The following INTS1 variants were observed in gnomAD, a reference collection of about 807,000 sequenced individuals.
The protein encoded by INTS1 is integrator complex subunit 1.
In INTS1, 137 loss-of-function variants were observed where a neutral mutation model predicts 241.6. The observed-to-expected ratio is 0.57, with a 90% CI of 0.49 to 0.65. The LOEUF is 0.65. Ranked by LOEUF, INTS1 falls within the 30% of genes least tolerant of loss-of-function variation. INTS1 has a pLI of 0.00. For missense variants in INTS1, 3,073 were observed against 3,032.2 expected (o/e 1.01, Z -0.32); for synonymous variants, 1,692 against 1,337.8 (o/e 1.26, Z -5.78).
chr7:1,475,933 G>T lies in INTS1; in HGVS notation c.5502+15C>A. The stretch of plus-strand genomic sequence containing the variant: ...CCTGGGACGGCGGCGGGGAGCGGCA[G>T]AGTTGCGCCCTCACCTTGCAGACGC... On this transcript the variant is annotated intron_variant, in intron 39 of 47. Coordinates refer to ENST00000404767, the MANE Select transcript of INTS1 (RefSeq NM_001080453.3). 2.6e-6 allele frequency: 4 copies of T among 1,531,574 alleles called. No individual in the cohort carries two copies. Among genetic ancestry groups the T allele is most frequent in the Non-Finnish European group, 2.6e-6 (3 of 1,140,252 alleles). 94.9% of individuals were successfully genotyped at this position (1,531,574 alleles called of 1,614,324 possible). A position where few individuals can be genotyped will look rare whatever the true frequency, so the allele number is the denominator to read the frequency against.
chr7:1,498,393 C>T lies in INTS1; in HGVS notation c.1425+19G>A. 2 of 1,612,530 alleles carry T rather than the reference C, an allele frequency of 1.2e-6. No homozygotes were observed. Among genetic ancestry groups the T allele is most frequent in the Non-Finnish European group, 1.7e-6 (2 of 1,179,568 alleles). On this transcript the variant is annotated intron_variant, in intron 10 of 47. Coordinates refer to ENST00000404767, the MANE Select transcript of INTS1 (RefSeq NM_001080453.3). ...CCATATTCCGGCGTGGAGGGCAAGG[C>T]CAGGGACCCTGGGCCTACCTTGGGC...
rs548800119 is a variant in INTS1, at chr7:1,484,187, G to A, written c.3262-17C>T. 1 of 1,597,522 alleles carries A rather than the reference G, an allele frequency of 6.3e-7. No individual in the cohort carries two copies. The highest frequency in any genetic ancestry group is 8.5e-7 in the Non-Finnish European group (1 of 1,170,580). ...GGCCACGTCCTGGTGTGTGGACAGG[G>A]GGGCGTCAGAGGCTCCGAGACAGCT... is the stretch of plus-strand genomic sequence containing the variant. On this transcript the variant is annotated splice_polypyrimidine_tract_variant and intron_variant, in intron 24 of 47. Transcript: ENST00000404767.
chr7:1,492,745 G>A (rs1039690729), intron 16 of INTS1, among the ~76,000 whole-genome samples: 2 of 152,242 alleles, frequency 1.3e-5, no homozygotes, highest in Non-Finnish European at 2.9e-5. Flanking sequence ...GTTGGACTCG[G>A]GCCGAGCCAG....
At chr7:1,488,065 T>C in intron 18 of INTS1, 108 bp from the exon 19 acceptor site, 1 of 1,155,042 alleles carries the variant, frequency 8.7e-7, no homozygotes, top group Non-Finnish European at 1.3e-6. Flanking sequence ...TGCTGCTGCC[T>C]CTGCTGCACA....
Position 1,477,854 on chromosome 7 carries a change from G to A in INTS1, c.4713C>T (p.Ala1571=), listed in dbSNP as rs745841396. Residue 1571 remains alanine, a synonymous_variant, in exon 34 of 48, where the codon GCC becomes GCT. Coordinates refer to ENST00000404767, the MANE Select transcript of INTS1 (RefSeq NM_001080453.3). Reference sequence around the variant, plus strand: ...CGGGCTTACAGGCTGGAAACGGGGAGGCAGCATCCGCAGTGGCAGAGAAGA... The same window carrying A: ...CGGGCTTACAGGCTGGAAACGGGGAAGCAGCATCCGCAGTGGCAGAGAAGA... The part of the protein sequence containing the change: ...TAFFSATADA[A]SPFPACKPVV... The A allele has an allele frequency of 7.4e-6, 12 of 1,612,512 alleles. No individual in the cohort carries two copies. The Admixed American group carries it at 8.3e-5, about 11-fold the overall frequency.
At position 1,493,930 on chromosome 7, in the gene INTS1, A is replaced by G. The variant is rs2251232; in HGVS notation, c.1911-19T>C. On this transcript the variant is annotated intron_variant, in intron 14 of 47. Transcript: ENST00000404767. The surrounding 1 kb of genome is among the most constrained non-coding windows in gnomAD (Gnocchi z 5.3). ...GAAGAAGCTGCGGGGTGGGGGAGGC[A>G]TGACTCGGTGTGGGCTGCCCACACC... 0.45 allele frequency: 692,110 copies of G among 1,546,084 alleles called. 162,581 individuals are homozygous for G. Among genetic ancestry groups the G allele is most frequent in the African/African-American group, 0.77 (56,221 of 73,066 alleles).
chr7:1,476,121 G>A (rs1428696722), intron 38 of INTS1, 50 bp from the exon 39 acceptor site: 26 of 1,527,748 alleles, frequency 1.7e-5, no homozygotes, highest in East Asian at 4.9e-5. Flanking sequence ...CCCAGTGACA[G>A]GGGTGGGTGG....
intron 2 of INTS1, 63 bp downstream of exon 2, chr7:1,503,840 T>TCCTCAAAGAC (rs1554281742): frequency 5.6e-6 from 5 of 898,444 alleles, no homozygotes; most frequent in Non-Finnish European, 8.2e-6. Flanking sequence ...GCAGCTGAGA[T>TCCTCAAAGAC]CCCCAAAGAC....
rs1241491683 is a variant in INTS1, at chr7:1,504,364, C to A, written c.-83G>T. ...CCGGAGCGCCGCCGCCGCCACCCGG[C>A]CACCCCGGAATCGGAAACCGATCTC... is the stretch of plus-strand genomic sequence containing the variant. On this transcript the variant is annotated 5_prime_UTR_variant, in exon 1 of 48. Transcript: ENST00000404767. 1 of 493,764 alleles carries A rather than the reference C, an allele frequency of 2.0e-6. No individual in the cohort carries two copies. The highest frequency in any genetic ancestry group is 1.5e-5 in the South Asian group (1 of 65,234). The allele number at this position is 493,764 out of a possible 1,614,324, so 30.6% of individuals were successfully genotyped here. A position where few individuals can be genotyped will look rare whatever the true frequency, so the allele number is the denominator to read the frequency against.
rs755849785 is a variant in INTS1 at position 1,470,874 on chromosome 7, G to T, written c.6429C>A (p.Asn2143Lys). 3.1e-6 allele frequency: 5 copies of T among 1,594,362 alleles called. No homozygotes were observed. Among genetic ancestry groups the T allele is most frequent in the Non-Finnish European group, 2.6e-6 (3 of 1,171,354 alleles). ...DFEVVQTALR[N>K]LPEYALLCQE... is the part of the protein sequence containing the mutation. ...GGCACAGGAGAGCGTACTCAGGCAGGTTCCGGAGGGCCGTCTGCACCACCT... is the reference window on the plus strand; with the variant it reads ...GGCACAGGAGAGCGTACTCAGGCAGTTTCCGGAGGGCCGTCTGCACCACCT... The change falls in exon 47 of 48, where the codon AAC becomes AAA. Residue 2143 changes from asparagine (N) to lysine (K), a missense_variant. Asn to Lys is a moderately conservative substitution (Grantham distance 94, BLOSUM62 0). Coordinates refer to ENST00000404767, the MANE Select transcript of INTS1 (RefSeq NM_001080453.3).
intron 30 of INTS1, among the ~76,000 whole-genome samples, chr7:1,480,075 G>A (rs1470645899): frequency 1.3e-5 from 2 of 152,278 alleles, no homozygotes; most frequent in Admixed American, 1.3e-4. Flanking sequence ...ATGGCAGGGA[G>A]GATGCAGGGC....
Position 1,481,263 on chromosome 7 carries a change from A to G in INTS1, c.3850+79T>C, listed in dbSNP as rs1367096944. 1.3e-6 allele frequency: 2 copies of G among 1,545,918 alleles called. No individual in the cohort carries two copies. Among genetic ancestry groups the G allele is most frequent in the Non-Finnish European group, 1.8e-6 (2 of 1,127,098 alleles). On this transcript the variant is annotated intron_variant, in intron 28 of 47. Coordinates refer to ENST00000404767, the MANE Select transcript of INTS1 (RefSeq NM_001080453.3). The surrounding 1 kb of genome is among the most constrained non-coding windows in gnomAD (Gnocchi z 6.8). ...GACCTCGGATCACCCACCCGCTCGC[A>G]CCCAGGCCCCAAAAGCCTGGCCGGG... is the stretch of plus-strand genomic sequence containing the variant.
intron 1 of INTS1, 116 bp from the exon 2 acceptor site, chr7:1,504,117 C>T (rs931505635): frequency 1.7e-6 from 1 of 595,440 alleles, no homozygotes; most frequent in Non-Finnish European, 2.9e-6. Context: ...GTCCCGCGCC[C>T]GCCCGGCGGG....
chr7:1,476,353 T>C lies in INTS1; in HGVS notation c.5254A>G (p.Thr1752Ala). 1.9e-6 allele frequency: 3 copies of C among 1,577,838 alleles called. No homozygotes were observed. The highest frequency in any genetic ancestry group is 2.6e-6 in the Non-Finnish European group (3 of 1,164,970). The change falls in exon 38 of 48, where the codon ACA (threonine) becomes GCA (alanine). Residue 1752 changes from threonine (T) to alanine (A), a missense_variant. Physicochemically the swap from Thr to Ala is moderately conservative, Grantham distance 58 (BLOSUM62 0). Transcript: ENST00000404767. ...GCCTGGATGAGGCTGCAGGCGGCTG[T>C]GTCCCCGTCCTGGCTCCGCGTCTCC... ...EAETRSQDGD[T>A]AACSLIQARL... is the part of the protein sequence containing the mutation.
rs139726435 is a variant in INTS1 at position 1,470,646 on chromosome 7, G to A, written c.6504C>T (p.Tyr2168=). The A allele has an allele frequency of 2.7e-4, 423 of 1,585,720 alleles. 1 individual carries two copies. Among genetic ancestry groups the A allele is most frequent in the East Asian group, 1.4e-3 (63 of 43,628 alleles). Reference sequence around the variant, plus strand: ...TCTGCGCGCTGGGGTCCATCTGGCCGTACATGCCCACCAGGAAGGCCCGGT... The same window carrying A: ...TCTGCGCGCTGGGGTCCATCTGGCCATACATGCCCACCAGGAAGGCCCGGT... ...LLHRAFLVGM[Y]GQMDPSAQIS... Residue 2168 remains tyrosine (Y), a synonymous_variant, in exon 48 of 48, where the codon TAC becomes TAT. Transcript: ENST00000404767.
intron 3 of INTS1, 100 bp from the exon 4 acceptor site, chr7:1,500,466 G>T (rs1484935329): frequency 6.1e-6 from 8 of 1,321,002 alleles, no homozygotes; most frequent in Non-Finnish European, 7.0e-6. Flanking sequence ...AGCTCTCAGG[G>T]TCGGCCCTGC....
At chr7:1,485,628 G>C in intron 22 of INTS1, 159 bp from the exon 23 acceptor site, 1 of 704,116 alleles carries the variant, frequency 1.4e-6, no homozygotes, top group Non-Finnish European at 2.3e-6. Context: ...AAACGAGACT[G>C]AGCTCTTTCT....
At position 1,487,975 on chromosome 7, in the gene INTS1, A is replaced by C. The variant is rs773545879; in HGVS notation, c.2319-18T>G. On this transcript the variant is annotated intron_variant, in intron 18 of 47. Transcript: ENST00000404767. ...AGTAGTTGCTAGGGCCAGACGGGGG[A>C]GCGTGTCACCCTGCCCCCCATGAAG... 1.9e-5 allele frequency: 30 copies of C among 1,611,428 alleles called. No homozygotes were observed. Among genetic ancestry groups the C allele is most frequent in the Non-Finnish European group, 5.1e-6 (6 of 1,178,938 alleles).
intron 12 of INTS1, among the ~76,000 whole-genome samples, chr7:1,495,798 G>T (rs963305215): frequency 6.6e-6 from 1 of 152,180 alleles, no homozygotes; most frequent in Non-Finnish European, 1.5e-5. Context: ...GAGGGCTTCT[G>T]CGGCCCAGCC....
Sources: gnomAD v4.1 joint callset for allele counts (sites outside exome capture counted in the v4.1 genomes callset) on GRCh38, gnomAD v4.1.1 for gene constraint, Gnocchi (gnomAD v3.1) non-coding constraint, MANE v1.5 for transcripts, NCBI Gene and HGNC (gene_info 2026-07-23, HGNC 2026-07-21) for gene names.